The following BICD2 variants were observed in gnomAD, a reference collection of about 807,000 sequenced individuals.
BICD2 encodes the protein protein bicaudal D homolog 2.
A neutral mutation model predicts 72.9 loss-of-function variants in BICD2; 25 were observed. The observed-to-expected ratio is 0.34, with a 90% confidence interval of 0.25 to 0.48. The LOEUF is 0.48. Ranked by LOEUF, BICD2 falls within the 20% of genes least tolerant of loss-of-function variation. BICD2 has a pLI of 0.99. For missense variants in BICD2, 894 were observed against 1,175.2 expected (o/e 0.76, Z 3.50); for synonymous variants, 501 against 516.1 (o/e 0.97, Z 0.40).
intron 1 of BICD2, among the ~76,000 whole-genome samples, chr9:92,751,961 C>T (rs183930105): frequency 6.6e-6 from 1 of 152,062 alleles, no homozygotes; most frequent in Non-Finnish European, 1.5e-5. Flanking sequence ...CCCACCACCA[C>T]GAACAGCTAA....
intron 1 of BICD2, among the ~76,000 whole-genome samples, chr9:92,756,791 C>T (rs989394378): frequency 6.6e-5 from 10 of 151,248 alleles, no homozygotes; most frequent in Admixed American, 2.0e-4. Flanking sequence ...CGCTTGAACC[C>T]GGGAGGCAGA....
chr9:92,748,412 T>A (rs1027413102), intron 1 of BICD2, among the ~76,000 whole-genome samples: 1 of 152,208 alleles, frequency 6.6e-6, no homozygotes, highest in African/African-American at 2.4e-5. Context: ...TAAACACTCC[T>A]GAGACTGATT....
At chr9:92,750,475 G>A (rs1006286622) in intron 1 of BICD2, among the ~76,000 whole-genome samples, 1 of 151,888 alleles carries the variant, frequency 6.6e-6, no homozygotes, top group African/African-American at 2.4e-5. Flanking sequence ...GAGCAATCAA[G>A]CCATGAAAAA....
intron 1 of BICD2, among the ~76,000 whole-genome samples, chr9:92,750,381 G>A (rs1053568421): frequency 5.9e-5 from 9 of 151,998 alleles, no homozygotes; most frequent in Admixed American, 2.6e-4. Context: ...TTGCCAAAAA[G>A]TAGAAGCAAC....
intron 1 of BICD2, among the ~76,000 whole-genome samples, chr9:92,754,743 T>C (rs1854221356): frequency 6.6e-6 from 1 of 152,234 alleles, no homozygotes; most frequent in South Asian, 2.1e-4. Context: ...ATTGTGAAGA[T>C]TTCATGTACA....
At chr9:92,732,509 A>C (rs1238658342) in intron 1 of BICD2, among the ~76,000 whole-genome samples, 2 of 152,232 alleles carry the variant, frequency 1.3e-5, no homozygotes, top group African/African-American at 2.4e-5. Context: ...TATGAAGCAA[A>C]CTACACCAAG....
intron 1 of BICD2, among the ~76,000 whole-genome samples, chr9:92,745,629 C>G (rs1853994915): frequency 6.6e-6 from 1 of 152,038 alleles, no homozygotes; most frequent in Non-Finnish European, 1.5e-5. Context: ...ACTCTGGGTG[C>G]CCAGGGGAGG....
At chr9:92,760,175 C>T (rs757411190) in intron 1 of BICD2, among the ~76,000 whole-genome samples, 4 of 152,184 alleles carry the variant, frequency 2.6e-5, no homozygotes, top group Non-Finnish European at 1.5e-5. Context: ...CATATACAGT[C>T]GGTCCTGCTC....
intron 1 of BICD2, among the ~76,000 whole-genome samples, chr9:92,757,312 C>CAAAAAAAAAAA (rs1169381290): frequency 1.0e-3 from 53 of 52,728 alleles, no homozygotes; most frequent in Non-Finnish European, 1.7e-3. Flanking sequence ...AGACTGTCTC[C>CAAAAAAAAAAA]AAAAAAAAAA....
chr9:92,747,407 C>T (rs760614636), intron 1 of BICD2, among the ~76,000 whole-genome samples: 2 of 152,158 alleles, frequency 1.3e-5, no homozygotes, highest in Non-Finnish European at 2.9e-5. Flanking sequence ...TTCCAAAGTC[C>T]CCGCCAGGCT....
chr9:92,719,617 T>G, intron 4 of BICD2, 35 bp from the exon 5 acceptor site: 1 of 1,546,228 alleles, frequency 6.5e-7, no homozygotes, highest in Non-Finnish European at 8.7e-7. Flanking sequence ...ACCATGTCAG[T>G]TGCTATGGAC....
chr9:92,739,012 G>GC (rs35414792), intron 1 of BICD2, among the ~76,000 whole-genome samples: 41,824 of 152,072 alleles, frequency 0.28, 6,862 homozygotes, highest in East Asian at 0.76. Context: ...CCTGGGAACG[G>GC]CGGGCCTGGG....
intron 3 of BICD2, 110 bp downstream of exon 3, chr9:92,722,546 G>A (rs1853484772): frequency 1.4e-6 from 2 of 1,444,868 alleles, no homozygotes; most frequent in Non-Finnish European, 1.9e-6. Flanking sequence ...GGCCTCGGGT[G>A]TGTGGAATAA....
At chr9:92,753,911 G>T (rs550230676) in intron 1 of BICD2, among the ~76,000 whole-genome samples, 1 of 151,846 alleles carries the variant, frequency 6.6e-6, no homozygotes, top group East Asian at 2.0e-4. Flanking sequence ...TTGGGAGGCT[G>T]AGACAGGCGG....
In BICD2 at chr9:92,715,340, C is replaced by G. The variant is rs762667995; in HGVS notation, c.2382G>C (p.Gln794His). ...GGTCCAGCTCGAGCAGCTCCAGCCG[C>G]TGGGTCAGCGCCAGCTTCTGCTGGA... Reference protein sequence around the residue: ...MAIQQKLALTQRLELLELDHE... With the variant: ...MAIQQKLALTHRLELLELDHE... Residue 794 changes from glutamine (Q) to histidine (H), a missense_variant, in exon 7 of 7, where the codon CAG becomes CAC. By Grantham distance (24) the Gln-to-His change is conservative. Coordinates refer to ENST00000356884, the MANE Select transcript of BICD2 (RefSeq NM_001003800.2). 6.2e-7 allele frequency: 1 copy of G among 1,613,216 alleles called. No homozygotes were observed.
intron 1 of BICD2, among the ~76,000 whole-genome samples, chr9:92,736,882 G>A (rs1029274265): frequency 6.6e-6 from 1 of 152,208 alleles, no homozygotes; most frequent in Non-Finnish European, 1.5e-5. Flanking sequence ...GCACAGTCTG[G>A]CTGTAGCGTG....
intron 2 of BICD2, among the ~76,000 whole-genome samples, chr9:92,726,520 G>T (rs1002708105): frequency 1.3e-4 from 20 of 152,180 alleles, no homozygotes; most frequent in African/African-American, 4.6e-4. Flanking sequence ...CAGTGGCTCA[G>T]ACCAGCAGAA....
intron 1 of BICD2, among the ~76,000 whole-genome samples, chr9:92,758,020 A>G (rs1004859083): frequency 6.6e-6 from 1 of 151,794 alleles, no homozygotes; most frequent in Non-Finnish European, 1.5e-5. Context: ...TCTGACCAAC[A>G]TGGTGAAACC....
intron 1 of BICD2, among the ~76,000 whole-genome samples, chr9:92,742,878 A>T (rs913207562): frequency 2.0e-5 from 3 of 152,220 alleles, no homozygotes; most frequent in Non-Finnish European, 4.4e-5. Context: ...ATGTTGTAGT[A>T]TGTATAAGAA....
Sources: allele counts gnomAD v4.1 joint callset (sites outside exome capture counted in the v4.1 genomes callset), GRCh38; gene constraint gnomAD v4.1.1; transcripts MANE v1.5; gene names NCBI Gene and HGNC (gene_info 2026-07-23, HGNC 2026-07-21).